Variants in SEPTIN9 observed in about 807,000 individuals in gnomAD.
SEPTIN9 encodes the protein septin 9.
In SEPTIN9, 13 loss-of-function variants were observed where a neutral mutation model predicts 56.6. That is an observed-to-expected ratio of 0.23 (90% confidence interval 0.15 to 0.37). The LOEUF (loss-of-function observed/expected upper bound fraction) is 0.37, where lower values mean the gene tolerates loss of function less well. SEPTIN9 is among the 10% of genes least tolerant of loss of function. SEPTIN9 has a pLI of 1.00. For missense variants in SEPTIN9, 650 were observed against 823.1 expected (o/e 0.79, Z 2.57); for synonymous variants, 332 against 334.1 (o/e 0.99, Z 0.07).
Position 77,435,965 on chromosome 17 carries a change from C to T in SEPTIN9, c.721+33262C>T, listed in dbSNP as rs964670899. Among the ~76,000 whole-genome samples, 3 of 152,196 alleles carry T rather than the reference C, an allele frequency of 2.0e-5. No homozygotes were observed. The highest frequency in any genetic ancestry group is 2.1e-4 in the South Asian group (1 of 4,826). ...TTTAGGGCTTGAGGCAGGGCTAGAG[C>T]ATGGAGACGTTGCTGGAGGACCAAG... On this transcript the variant is annotated intron_variant, in intron 3 of 11. Coordinates refer to ENST00000427177, the MANE Select transcript of SEPTIN9 (RefSeq NM_001113491.2). This position sits in a 1 kb window ranked among gnomAD's most constrained non-coding sequence, Gnocchi z 4.5.
At chr17:77,333,477 T>C in intron 2 of SEPTIN9, among the ~76,000 whole-genome samples, 1 of 152,244 alleles carries the variant, frequency 6.6e-6, no homozygotes, top group Admixed American at 6.5e-5. Flanking sequence ...TCCTCCTGCC[T>C]CTGCCTCCCC....
At chr17:77,363,482 C>T (rs9909752) in intron 2 of SEPTIN9, among the ~76,000 whole-genome samples, 35,052 of 146,904 alleles carry the variant, frequency 0.24, 4,519 homozygotes, top group East Asian at 0.61. Context: ...CTGCCTCCTG[C>T]GTTCAAGCAA....
intron 2 of SEPTIN9, among the ~76,000 whole-genome samples, chr17:77,351,611 G>A (rs1053301560): frequency 3.9e-5 from 6 of 152,210 alleles, no homozygotes; most frequent in Admixed American, 3.3e-4. Context: ...CGGCCCCAGG[G>A]CCCTTGGAGG....
chr17:77,455,128 G>A (rs2038141814), intron 3 of SEPTIN9, among the ~76,000 whole-genome samples: 1 of 151,868 alleles, frequency 6.6e-6, no homozygotes, highest in Non-Finnish European at 1.5e-5. Context: ...TTCAGTAGTT[G>A]GACCATGGGC....
Position 77,445,124 on chromosome 17 carries a change from G to T in SEPTIN9, c.722-37020G>T, listed in dbSNP as rs1221328108. 1 of 466,696 alleles carries T rather than the reference G, an allele frequency of 2.1e-6. No individual in the cohort carries two copies. Among genetic ancestry groups the T allele is most frequent in the Non-Finnish European group, 4.5e-6 (1 of 224,168 alleles). The allele number at this position is 466,696 out of a possible 1,614,324, so 28.9% of individuals were successfully genotyped here. On this transcript the variant is annotated intron_variant, in intron 3 of 11. Coordinates refer to ENST00000427177, the MANE Select transcript of SEPTIN9 (RefSeq NM_001113491.2). This position sits in a 1 kb window ranked among gnomAD's most constrained non-coding sequence, Gnocchi z 4.7. ...ACGGCCTTCACTCGGGCTACTCAGG[G>T]TTTCCCCAGCCTGCCAACCCAAGGG...
chr17:77,445,129 C>T lies in SEPTIN9; in HGVS notation c.722-37015C>T, dbSNP rs1252726723. 2 of 467,470 alleles carry T rather than the reference C, an allele frequency of 4.3e-6. No individual in the cohort carries two copies. Among genetic ancestry groups the T allele is most frequent in the East Asian group, 7.0e-5 (1 of 14,314 alleles). The allele number at this position is 467,470 out of a possible 1,614,324, so 29.0% of individuals were successfully genotyped here. On this transcript the variant is annotated intron_variant, in intron 3 of 11. Coordinates refer to ENST00000427177, the MANE Select transcript of SEPTIN9 (RefSeq NM_001113491.2). The surrounding 1 kb of genome is among the most constrained non-coding windows in gnomAD (Gnocchi z 4.7). Reference sequence around the variant, plus strand: ...CTTCACTCGGGCTACTCAGGGTTTCCCCAGCCTGCCAACCCAAGGGTGGCA... The same window carrying T: ...CTTCACTCGGGCTACTCAGGGTTTCTCCAGCCTGCCAACCCAAGGGTGGCA...
At position 77,369,017 on chromosome 17, in the gene SEPTIN9, A is replaced by C. The variant is rs1219900577; in HGVS notation, c.77-33042A>C. Among the ~76,000 whole-genome samples, 1 of 152,196 alleles carries C rather than the reference A, an allele frequency of 6.6e-6. No homozygotes were observed. Among genetic ancestry groups the C allele is most frequent in the African/African-American group, 2.4e-5 (1 of 41,446 alleles). ...AGCACTTTGGGAGGCCAAGGCAGGC[A>C]GATCATCTGAGTTCAAAACCAGCCT... is the stretch of plus-strand genomic sequence containing the variant. On this transcript the variant is annotated intron_variant, in intron 2 of 11. Coordinates refer to ENST00000427177, the MANE Select transcript of SEPTIN9 (RefSeq NM_001113491.2). This position sits in a 1 kb window ranked among gnomAD's most constrained non-coding sequence, Gnocchi z 4.9.
At chr17:77,474,000 CTTACCATTCTCTTTCCTTTACCTGCA>C (rs1361182979) in intron 3 of SEPTIN9, among the ~76,000 whole-genome samples, 1 of 152,196 alleles carries the variant, frequency 6.6e-6, no homozygotes, top group African/African-American at 2.4e-5. Context: ...GCCCTGTCGC[CTTACCATTCTCTTTCCTTTACCTGCA>C]TTTCCTGAAC....
chr17:77,377,444 C>T lies in SEPTIN9; in HGVS notation c.77-24615C>T, dbSNP rs115817986. The stretch of plus-strand genomic sequence containing the variant: ...CCAGCTGTTGGCCTGCTTTGCTCAG[C>T]GGTGTTTGCTGTAACCAGATTTGCA... On this transcript the variant is annotated intron_variant, in intron 2 of 11. Coordinates refer to ENST00000427177, the MANE Select transcript of SEPTIN9 (RefSeq NM_001113491.2). Among the ~76,000 whole-genome samples the T allele has an allele frequency of 1.3e-4, 20 of 152,246 alleles. 1 individual carries two copies. Among genetic ancestry groups the T allele is most frequent in the South Asian group, 1.0e-3 (5 of 4,824 alleles).
At chr17:77,430,035 C>T (rs549536712) in intron 3 of SEPTIN9, among the ~76,000 whole-genome samples, 1 of 152,280 alleles carries the variant, frequency 6.6e-6, no homozygotes, top group South Asian at 2.1e-4. Context: ...AGTGCTTTCA[C>T]GCCCAGCCTC....
At chr17:77,306,210 A>G (rs1177505508) in intron 1 of SEPTIN9, among the ~76,000 whole-genome samples, 2 of 152,182 alleles carry the variant, frequency 1.3e-5, no homozygotes, top group East Asian at 1.9e-4. Context: ...AGCAGCCAGC[A>G]TGGTGATCAG....
chr17:77,283,497 G>A (rs750198709), intron 1 of SEPTIN9, among the ~76,000 whole-genome samples: 3 of 120,490 alleles, frequency 2.5e-5, no homozygotes, highest in African/African-American at 6.0e-5. Context: ...ACGGGCACTC[G>A]CAGGAGTCAG....
At position 77,402,581 on chromosome 17, in the gene SEPTIN9, C is replaced by G. The variant is rs753778614; in HGVS notation, c.599C>G (p.Thr200Ser). 6.2e-7 allele frequency: 1 copy of G among 1,611,646 alleles called. No homozygotes were observed. The highest frequency in any genetic ancestry group is 8.5e-7 in the Non-Finnish European group (1 of 1,179,226). Residue 200 changes from threonine to serine, a missense_variant, in exon 3 of 12, where the codon ACC becomes AGC. Thr to Ser is a moderately conservative substitution (Grantham distance 58, BLOSUM62 1). Coordinates refer to ENST00000427177, the MANE Select transcript of SEPTIN9 (RefSeq NM_001113491.2). This position sits in a 1 kb window ranked among gnomAD's most constrained non-coding sequence, Gnocchi z 6.6. ...IQMPKPAEAP[T>S]APSPAQTLEN... ...ATGCCCAAGCCTGCTGAGGCGCCCA[C>G]CGCCCCCAGCCCAGCCCAGACCTTG...
intron 3 of SEPTIN9, among the ~76,000 whole-genome samples, chr17:77,416,426 C>T (rs1008919488): frequency 8.5e-5 from 13 of 152,182 alleles, no homozygotes; most frequent in East Asian, 5.8e-4. Flanking sequence ...GCCCTCTGAA[C>T]GGAGTGTGAT....
rs891151887 is a variant in SEPTIN9 at position 77,458,877 on chromosome 17, C to T, written c.722-23267C>T. On this transcript the variant is annotated intron_variant, in intron 3 of 11. Coordinates refer to ENST00000427177, the MANE Select transcript of SEPTIN9 (RefSeq NM_001113491.2). ...AGTGTGAGCTGCACCTCTGGGCTCT[C>T]TAGAATTTCACCAGAGCTCAGGGAG... Among the ~76,000 whole-genome samples, 24 of 152,288 alleles carry T rather than the reference C, an allele frequency of 1.6e-4. 1 individual carries two copies. In the East Asian group the frequency reaches 4.6e-3, roughly 29 times the overall value.
intron 2 of SEPTIN9, among the ~76,000 whole-genome samples, chr17:77,355,218 T>C (rs74000212): frequency 0.012 from 1,877 of 152,194 alleles, 38 homozygotes; most frequent in African/African-American, 0.042. Context: ...GCATCTCCCT[T>C]TGGGGTGTGT....
In SEPTIN9 at chr17:77,357,095, C is replaced by T. The variant is rs1407523300; in HGVS notation, c.77-44964C>T. On this transcript the variant is annotated intron_variant, in intron 2 of 11. Coordinates refer to ENST00000427177, the MANE Select transcript of SEPTIN9 (RefSeq NM_001113491.2). ...GGTGTCGGAGGAAGGGGCTGACACT[C>T]ACTCAGTGTCTGTCATGCACTGAGG... Among the ~76,000 whole-genome samples the T allele has an allele frequency of 2.6e-5, 4 of 152,204 alleles. No individual in the cohort carries two copies. The East Asian group carries it at 5.8e-4, about 22-fold the overall frequency.
chr17:77,352,669 T>C (rs2034104579), intron 2 of SEPTIN9, among the ~76,000 whole-genome samples: 1 of 152,046 alleles, frequency 6.6e-6, no homozygotes, highest in South Asian at 2.1e-4. Flanking sequence ...TGTTGTCTTT[T>C]TAATTTATTT....
At chr17:77,372,849 G>A (rs886554772) in intron 2 of SEPTIN9, among the ~76,000 whole-genome samples, 5 of 152,264 alleles carry the variant, frequency 3.3e-5, no homozygotes, top group Admixed American at 6.5e-5. Context: ...CCACAGGCCG[G>A]GATCCTGCCT....
Sources: allele counts gnomAD v4.1 joint callset (sites outside exome capture counted in the v4.1 genomes callset), GRCh38; gene constraint gnomAD v4.1.1; non-coding constraint Gnocchi (gnomAD v3.1); transcripts MANE v1.5; gene names NCBI Gene and HGNC (gene_info 2026-07-23, HGNC 2026-07-21).